MYH14: variants seen among roughly 807,000 people sequenced by gnomAD.
MYH14 encodes myosin heavy chain 14.
In MYH14, 123 loss-of-function variants were observed where a neutral mutation model predicts 255.5. That is an observed-to-expected ratio of 0.48 (90% CI 0.42 to 0.56). The LOEUF (loss-of-function observed/expected upper bound fraction) is 0.56. MYH14 is among the 20% of genes least tolerant of loss of function. MYH14 has a pLI of 0.00. For missense variants in MYH14, 2,423 were observed against 2,802.3 expected, an observed-to-expected ratio of 0.86 and a Z score of 3.06; for synonymous variants, 1,095 against 1,161.2, an observed-to-expected ratio of 0.94 and a Z score of 1.16.
At position 50,293,117 on chromosome 19, in the gene MYH14, G is replaced by A. The variant is rs553609670; in HGVS notation, c.5257-116G>A. ...TTGCAGCTCATTCCAGGGTTACCCA[G>A]GGACAGCATGAGAAAAAAGCCAAGA... is the stretch of plus-strand genomic sequence containing the variant. On this transcript the variant is annotated intron_variant, in intron 37 of 42. Transcript: ENST00000642316. This position sits in a 1 kb window ranked among gnomAD's most constrained non-coding sequence, Gnocchi z 4.1. 1 of 747,196 alleles carries A rather than the reference G, an allele frequency of 1.3e-6. No individual in the cohort carries two copies. Among genetic ancestry groups the A allele is most frequent in the African/African-American group, 1.7e-5 (1 of 57,708 alleles). The allele number at this position is 747,196 out of a possible 1,614,324, so 46.3% of individuals were successfully genotyped here. A position where few individuals can be genotyped will look rare whatever the true frequency, so the allele number is the denominator to read the frequency against.
chr19:50,271,662 G>C, intron 25 of MYH14, 116 bp downstream of exon 25: 1 of 1,479,734 alleles, frequency 6.8e-7, no homozygotes, highest in South Asian at 1.3e-5. Flanking sequence ...GTGCACCGGT[G>C]GGGGTGGGAT....
At chr19:50,271,823 GC>G (rs751363452) in intron 25 of MYH14, 25 bp from the exon 26 acceptor site, 7 of 1,611,902 alleles carry the variant, frequency 4.3e-6, no homozygotes, top group South Asian at 1.1e-5. Flanking sequence ...CCTCCTGACT[GC>G]CCCCCATCCC....
intron 7 of MYH14, 126 bp from the exon 8 acceptor site, chr19:50,226,777 G>T: frequency 1.2e-6 from 1 of 838,608 alleles, no homozygotes; most frequent in East Asian, 2.6e-5. Context: ...TTCAGGTAGA[G>T]GGAGCAAGGA....
At chr19:50,259,474 C>T (rs1398211730) in intron 19 of MYH14, among the ~76,000 whole-genome samples, 2 of 152,240 alleles carry the variant, frequency 1.3e-5, no homozygotes, top group Admixed American at 1.3e-4. Context: ...AGAGAAAGCA[C>T]ACAGAGTCTA....
intron 39 of MYH14, among the ~76,000 whole-genome samples, chr19:50,296,784 G>C (rs935787090): frequency 1.3e-5 from 2 of 152,218 alleles, no homozygotes; most frequent in African/African-American, 4.8e-5. Context: ...AGAGCCTCGC[G>C]CTGGCCCAAA....
At chr19:50,205,916 C>A (rs183288911) in intron 1 of MYH14, among the ~76,000 whole-genome samples, 2 of 152,214 alleles carry the variant, frequency 1.3e-5, no homozygotes, top group East Asian at 3.9e-4. Context: ...ATGCCAAGGG[C>A]CCCAACCTCT....
At chr19:50,234,775 G>A (rs534325341) in intron 10 of MYH14, among the ~76,000 whole-genome samples, 6 of 152,224 alleles carry the variant, frequency 3.9e-5, no homozygotes, top group East Asian at 1.9e-4. Flanking sequence ...TGTGGCAGGC[G>A]CAGGCAGCAG....
intron 8 of MYH14, among the ~76,000 whole-genome samples, chr19:50,229,339 G>A (rs920434253): frequency 2.6e-5 from 4 of 152,134 alleles, no homozygotes; most frequent in Non-Finnish European, 5.9e-5. Flanking sequence ...TGGTGTTTTG[G>A]TGTTTTGTTT....
chr19:50,309,674 C>A lies in MYH14; in HGVS notation c.5995C>A (p.Arg1999Ser), dbSNP rs1375906074. Reference protein sequence around the residue: ...GPLTFTTRTVRQVFRLEEGVA... With the variant: ...GPLTFTTRTVSQVFRLEEGVA... ...CCTCACCTTCACCACCCGCACGGTGCGCCAGGTCTTCCGACTAGAGGAGGG... is the reference window on the plus strand; with the variant it reads ...CCTCACCTTCACCACCCGCACGGTGAGCCAGGTCTTCCGACTAGAGGAGGG... Residue 1999 changes from arginine to serine, a missense_variant, in exon 43 of 43, where the codon CGC becomes AGC. By Grantham distance (110) the Arg-to-Ser change is moderately radical. Around this residue, in one of 3 missense-constraint regions of MYH14, gnomAD observed 1,513 missense variants for 1,674.8 expected, o/e 0.90. Coordinates refer to ENST00000642316, the MANE Select transcript of MYH14 (RefSeq NM_001145809.2). 15 of 1,610,600 alleles carry A rather than the reference C, an allele frequency of 9.3e-6. No homozygotes were observed. Among genetic ancestry groups the A allele is most frequent in the African/African-American group, 1.3e-5 (1 of 74,786 alleles).
At chr19:50,208,424 A>C (rs1459691420) in intron 1 of MYH14, among the ~76,000 whole-genome samples, 2 of 11,058 alleles carry the variant, frequency 1.8e-4, no homozygotes, top group African/African-American at 2.8e-4. Context: ...CAAAAAACAA[A>C]AACAAACAAA....
At chr19:50,235,230 C>T (rs1027566877) in intron 10 of MYH14, among the ~76,000 whole-genome samples, 5 of 151,612 alleles carry the variant, frequency 3.3e-5, no homozygotes, top group African/African-American at 7.3e-5. Context: ...TGGTGGTGGG[C>T]GCCTGTAGTC....
At position 50,249,788 on chromosome 19, in the gene MYH14, G is replaced by A. The variant is rs942541070; in HGVS notation, c.1621G>A (p.Asp541Asn). ...IPWTFLDFGL[D>N]LQPCIDLIER... ...CTGGACCTTCCTCGACTTTGGCCTC[G>A]ACCTGCAGCCCTGCATCGACCTCAT... The change falls in exon 14 of 43, where the codon GAC becomes AAC. Residue 541 changes from aspartate to asparagine, a missense_variant. Physicochemically the swap from Asp to Asn is conservative, Grantham distance 23 (BLOSUM62 1). Around this residue, in one of 3 missense-constraint regions of MYH14, gnomAD observed 672 missense variants for 881.8 expected, o/e 0.76. Coordinates refer to ENST00000642316, the MANE Select transcript of MYH14 (RefSeq NM_001145809.2). The A allele has an allele frequency of 1.4e-5, 22 of 1,614,052 alleles. No individual in the cohort carries two copies. The highest frequency in any genetic ancestry group is 4.0e-5 in the African/African-American group (3 of 74,924).
intron 3 of MYH14, 78 bp from the exon 4 acceptor site, chr19:50,223,005 A>G (rs2032912112): frequency 5.2e-6 from 7 of 1,355,010 alleles, no homozygotes; most frequent in Non-Finnish European, 6.4e-6. Flanking sequence ...TTTAAAATGC[A>G]GCGGCCAGTG....
intron 16 of MYH14, among the ~76,000 whole-genome samples, chr19:50,253,409 A>G (rs981038660): frequency 6.6e-6 from 1 of 151,564 alleles, no homozygotes; most frequent in Non-Finnish European, 1.5e-5. Context: ...TGTCACTGCA[A>G]TCCAGCCTGG....
intron 19 of MYH14, among the ~76,000 whole-genome samples, chr19:50,259,835 G>T (rs943196566): frequency 6.6e-6 from 1 of 152,030 alleles, no homozygotes; most frequent in Non-Finnish European, 1.5e-5. Flanking sequence ...CCGAGATTGC[G>T]CCATTGCACT....
intron 12 of MYH14, among the ~76,000 whole-genome samples, chr19:50,248,017 G>A (rs1410682767): frequency 6.9e-6 from 1 of 145,826 alleles, no homozygotes; most frequent in Non-Finnish European, 1.5e-5. Context: ...CTGAGAGCAC[G>A]CCACTGCACT....
chr19:50,302,431 A>G (rs111768099), intron 40 of MYH14, among the ~76,000 whole-genome samples: 1,576 of 151,696 alleles, frequency 0.01, 26 homozygotes, highest in African/African-American at 0.031. Context: ...AAAAACACCA[A>G]AATTAGCTGG....
At chr19:50,214,358 G>A (rs193204052) in intron 2 of MYH14, among the ~76,000 whole-genome samples, 135 of 152,240 alleles carry the variant, frequency 8.9e-4, no homozygotes, top group Middle Eastern at 3.4e-3. Flanking sequence ...GATGGGGATG[G>A]TGGTGTTGTC....
chr19:50,260,776 C>CAGGGGCCCAG, intron 20 of MYH14, 61 bp downstream of exon 20: 1 of 1,270,414 alleles, frequency 7.9e-7, no homozygotes, highest in Non-Finnish European at 1.1e-6. Context: ...CATGAGTGTG[C>CAGGGGCCCAG]GTGCATGTGT....
Sources: gnomAD v4.1 joint callset for allele counts (sites outside exome capture counted in the v4.1 genomes callset) on GRCh38, gnomAD v4.1.1 for gene constraint, gnomAD v4.1.1 regional missense constraint, Gnocchi (gnomAD v3.1) non-coding constraint, MANE v1.5 for transcripts, NCBI Gene and HGNC (gene_info 2026-07-23, HGNC 2026-07-21) for gene names.